The following SPOCK3 variants were observed in gnomAD, a reference collection of about 807,000 sequenced individuals.
The protein encoded by SPOCK3 is SPARC (osteonectin), cwcv and kazal like domains proteoglycan 3, also known as testican-3.
In SPOCK3, 30 loss-of-function variants were observed where a neutral mutation model predicts 56.6. The ratio of observed to expected loss-of-function variants is 0.53; its 90% confidence interval spans 0.40 to 0.72. SPOCK3 has a LOEUF of 0.72. Among genes scored for constraint, SPOCK3 ranks in the 30% least tolerant of loss-of-function variants. SPOCK3 has a pLI of 0.00. For synonymous variants in SPOCK3, 196 were observed against 183.3 expected (o/e 1.07, Z -0.56); for missense variants, 527 against 530.0 (o/e 0.99, Z 0.06).
At chr4:167,134,632 T>A (rs1762969733) in intron 2 of SPOCK3, among the ~76,000 whole-genome samples, 1 of 152,148 alleles carries the variant, frequency 6.6e-6, no homozygotes, top group Non-Finnish European at 1.5e-5. Context: ...AATTTATGCA[T>A]CACAAACTTT....
chr4:167,206,727 T>C (rs1042194432), intron 2 of SPOCK3, among the ~76,000 whole-genome samples: 1 of 152,112 alleles, frequency 6.6e-6, no homozygotes, highest in Non-Finnish European at 1.5e-5. Flanking sequence ...TTTTTTTTTC[T>C]TTTTTCTTTT....
At chr4:167,137,347 C>T (rs978623587) in intron 2 of SPOCK3, among the ~76,000 whole-genome samples, 3 of 151,722 alleles carry the variant, frequency 2.0e-5, no homozygotes, top group Admixed American at 6.6e-5. Flanking sequence ...AATAATAGAA[C>T]CTGAGTTAAT....
At chr4:167,195,086 G>T (rs554131775) in intron 2 of SPOCK3, among the ~76,000 whole-genome samples, 1 of 152,252 alleles carries the variant, frequency 6.6e-6, no homozygotes, top group South Asian at 2.1e-4. Context: ...GGGCAGTACT[G>T]CCCCAGAGCA....
At chr4:166,912,072 A>G in intron 5 of SPOCK3, among the ~76,000 whole-genome samples, 1 of 152,130 alleles carries the variant, frequency 6.6e-6, no homozygotes, top group East Asian at 1.9e-4. Flanking sequence ...ACAATATGGG[A>G]CACTTAATTG....
At chr4:166,783,173 A>G (rs1207906941) in intron 7 of SPOCK3, among the ~76,000 whole-genome samples, 1 of 152,158 alleles carries the variant, frequency 6.6e-6, no homozygotes, top group Non-Finnish European at 1.5e-5. Context: ...AGTCTGGCCA[A>G]CATGGCAAAA....
upstream of SPOCK3, chr4:167,234,527 G>A: frequency 7.1e-6 from 2 of 279,854 alleles, no homozygotes; most frequent in Non-Finnish European, 1.4e-5. Context: ...GCTTTCTGGA[G>A]CTGCTGCACG....
chr4:166,923,274 G>A (rs559471312), intron 4 of SPOCK3, among the ~76,000 whole-genome samples: 3 of 152,164 alleles, frequency 2.0e-5, no homozygotes, highest in Non-Finnish European at 4.4e-5. Flanking sequence ...GTCTCACCCT[G>A]ATAATCTAGG....
intron 2 of SPOCK3, among the ~76,000 whole-genome samples, chr4:167,135,800 G>T (rs527613202): frequency 7.3e-5 from 11 of 151,672 alleles, no homozygotes; most frequent in Admixed American, 7.2e-4. Context: ...ACTTGTCAAT[G>T]GAATGATTGA....
In SPOCK3 at chr4:167,028,666, C is replaced by T. The variant is rs555314743; in HGVS notation, c.236-28203G>A. Among the ~76,000 whole-genome samples the T allele has an allele frequency of 2.1e-4, 32 of 152,094 alleles. 1 individual carries two copies. In the South Asian group the frequency reaches 5.8e-3, roughly 28 times the overall value. ...GACTTAGTCATATGGCCATACTTTG[C>T]TTCCAAGGAGATTGAAAAATCTCTT... On this transcript the variant is annotated intron_variant, in intron 3 of 10. Coordinates refer to ENST00000357545, the MANE Select transcript of SPOCK3 (RefSeq NM_001040159.2).
At chr4:167,132,801 T>C (rs533665952) in intron 2 of SPOCK3, among the ~76,000 whole-genome samples, 1 of 152,228 alleles carries the variant, frequency 6.6e-6, no homozygotes, top group East Asian at 1.9e-4. Context: ...CTACACACTT[T>C]CTCCTTCTTC....
intron 2 of SPOCK3, among the ~76,000 whole-genome samples, chr4:167,221,907 A>C (rs1735956512): frequency 6.6e-6 from 1 of 152,178 alleles, no homozygotes; most frequent in Admixed American, 6.6e-5. Flanking sequence ...GCAGTTCCTA[A>C]AAAAATTAAA....
At chr4:167,192,412 C>G (rs1383773290) in intron 2 of SPOCK3, among the ~76,000 whole-genome samples, 1 of 145,602 alleles carries the variant, frequency 6.9e-6, no homozygotes, top group Non-Finnish European at 1.5e-5. Flanking sequence ...GCCATCTGTT[C>G]CTGGGCTTTT....
intron 6 of SPOCK3, among the ~76,000 whole-genome samples, chr4:166,859,440 C>T (rs1731017993): frequency 6.6e-6 from 1 of 152,082 alleles, no homozygotes; most frequent in African/African-American, 2.4e-5. Flanking sequence ...TAAAATTGCA[C>T]AAATGTATTT....
At chr4:166,902,600 T>C (rs1370498628) in intron 5 of SPOCK3, among the ~76,000 whole-genome samples, 1 of 151,572 alleles carries the variant, frequency 6.6e-6, no homozygotes, top group African/African-American at 2.4e-5. Flanking sequence ...ATGATATATA[T>C]AATATTTGCA....
intron 4 of SPOCK3, among the ~76,000 whole-genome samples, chr4:166,974,793 TTTGTTA>T (rs758316080): frequency 6.6e-6 from 1 of 152,248 alleles, no homozygotes; most frequent in Non-Finnish European, 1.5e-5. Context: ...CAGACATGGT[TTTGTTA>T]TTATCATTCA....
At chr4:167,044,690 AT>A (rs1753557278) in intron 3 of SPOCK3, among the ~76,000 whole-genome samples, 1 of 152,180 alleles carries the variant, frequency 6.6e-6, no homozygotes, top group South Asian at 2.1e-4. Flanking sequence ...ATCTACAAGT[AT>A]GTTGCTTAAT....
intron 3 of SPOCK3, among the ~76,000 whole-genome samples, chr4:167,025,674 A>C (rs928939455): frequency 1.2e-4 from 18 of 151,984 alleles, no homozygotes; most frequent in Admixed American, 1.2e-3. Context: ...TACAAACAAA[A>C]TGCACCAGAT....
At chr4:167,106,047 C>T (rs1760113731) in intron 2 of SPOCK3, among the ~76,000 whole-genome samples, 1 of 151,832 alleles carries the variant, frequency 6.6e-6, no homozygotes, top group Admixed American at 6.6e-5. Context: ...TTTAACACCC[C>T]ACTTTCAGCA....
chr4:166,910,734 G>A (rs1737175703), intron 5 of SPOCK3, among the ~76,000 whole-genome samples: 1 of 152,104 alleles, frequency 6.6e-6, no homozygotes, highest in South Asian at 2.1e-4. Flanking sequence ...ACTCTCTGGG[G>A]ATGATGACAC....
Sources: allele counts gnomAD v4.1 joint callset (sites outside exome capture counted in the v4.1 genomes callset), GRCh38; gene constraint gnomAD v4.1.1; transcripts MANE v1.5; gene names NCBI Gene and HGNC (gene_info 2026-07-23, HGNC 2026-07-21).